The following SRGAP3 variants were observed in gnomAD, a reference collection of about 807,000 sequenced individuals.
The protein encoded by SRGAP3 is SLIT-ROBO Rho GTPase-activating protein 3.
In SRGAP3, 39 loss-of-function variants were observed where a neutral mutation model predicts 121.1. The observed-to-expected ratio is 0.32, with a 90% CI of 0.25 to 0.42. The LOEUF (loss-of-function observed/expected upper bound fraction) is 0.42, where lower values mean the gene tolerates loss of function less well. Ranked by LOEUF, SRGAP3 falls within the 10% of genes least tolerant of loss-of-function variation. The pLI is 1.00. For missense variants in SRGAP3, 1,213 were observed against 1,470.6 expected (o/e 0.82, Z 2.86); for synonymous variants, 601 against 570.0 (o/e 1.05, Z -0.77).
At chr3:9,064,361 TC>T in intron 5 of SRGAP3, 34 bp downstream of exon 5, 2 of 1,613,780 alleles carry the variant, frequency 1.2e-6, no homozygotes, top group South Asian at 2.2e-5. Flanking sequence ...TTGTGCCCTG[TC>T]CCCAATCGCT....
chr3:9,059,915 T>G (rs1357942851), intron 6 of SRGAP3: 2 of 397,962 alleles, frequency 5.0e-6, no homozygotes, highest in Admixed American at 3.6e-5. Flanking sequence ...GGTTCCCCCC[T>G]GAACCCCTCA....
chr3:9,069,228 TC>T (rs1372946988), intron 4 of SRGAP3, among the ~76,000 whole-genome samples: 1 of 152,160 alleles, frequency 6.6e-6, no homozygotes, highest in Non-Finnish European at 1.5e-5. Flanking sequence ...GACTCAGCCC[TC>T]CCACTACTTG....
Position 9,341,655 on chromosome 3 carries a change from ATTTG to A in SRGAP3, n.215-11063_215-11060del, listed in dbSNP as rs776909307. Among the ~76,000 whole-genome samples, 14 of 152,074 alleles carry A rather than the reference ATTTG, an allele frequency of 9.2e-5. No homozygotes were observed. The East Asian group carries it at 9.7e-4, about 10-fold the overall frequency. The stretch of plus-strand genomic sequence containing the variant: ...AACTACTTGGGCCACTGATTGCTAC[ATTTG>A]TTTGTTTGTTTGTTTGCGTTATAGA... On this transcript the variant is annotated intron_variant and non_coding_transcript_variant, in intron 1 of 3. Transcript: ENST00000490889.
At chr3:9,085,985 A>T (rs1378718865) in intron 3 of SRGAP3, among the ~76,000 whole-genome samples, 5 of 152,162 alleles carry the variant, frequency 3.3e-5, no homozygotes, top group Non-Finnish European at 7.4e-5. Context: ...AATTTTAAAA[A>T]AGCTCCCCAC....
Position 9,017,085 on chromosome 3 carries a change from C to T in SRGAP3, c.1679-1354G>A, listed in dbSNP as rs571588225. On this transcript the variant is annotated intron_variant, in intron 14 of 21. Transcript: ENST00000383836. Reference sequence around the variant, plus strand: ...TCCTTGATCCAGATCTTGAATCAAACATTTCTCCAGCGGGCTCTGTTTGCT... The same window carrying T: ...TCCTTGATCCAGATCTTGAATCAAATATTTCTCCAGCGGGCTCTGTTTGCT... 1.1e-4 allele frequency among the ~76,000 whole-genome samples: 17 copies of T among 152,272 alleles called. No individual in the cohort carries two copies. In the South Asian group the frequency reaches 3.3e-3, roughly 30 times the overall value.
chr3:9,326,465 T>C (rs1433424131), intron 2 of SRGAP3, among the ~76,000 whole-genome samples: 1 of 151,848 alleles, frequency 6.6e-6, no homozygotes, highest in Non-Finnish European at 1.5e-5. Flanking sequence ...CATCAATATA[T>C]TCAGTTTGGA....
At chr3:9,142,131 G>A (rs554260352) in intron 1 of SRGAP3, among the ~76,000 whole-genome samples, 24 of 152,210 alleles carry the variant, frequency 1.6e-4, no homozygotes, top group South Asian at 8.3e-4. Context: ...TTCCTCATTC[G>A]TAAACTGGGA....
chr3:9,346,098 C>T (rs1028350933), intron 1 of SRGAP3, among the ~76,000 whole-genome samples: 2 of 152,152 alleles, frequency 1.3e-5, no homozygotes, highest in African/African-American at 4.8e-5. Flanking sequence ...GTATTGAAAA[C>T]TTTGCTCTTC....
At chr3:9,276,036 C>T (rs1274223208) in intron 3 of SRGAP3, among the ~76,000 whole-genome samples, 3 of 149,770 alleles carry the variant, frequency 2.0e-5, no homozygotes, top group African/African-American at 4.9e-5. Context: ...CCTGTCTGTA[C>T]AAAAAAAAAG....
At chr3:9,222,200 C>T (rs1952836094) in intron 1 of SRGAP3, among the ~76,000 whole-genome samples, 2 of 152,212 alleles carry the variant, frequency 1.3e-5, no homozygotes, top group Non-Finnish European at 2.9e-5. Flanking sequence ...TTACCTCCAC[C>T]TGAAACACAC....
chr3:9,198,797 A>G (rs1024179406), intron 1 of SRGAP3, among the ~76,000 whole-genome samples: 3 of 152,158 alleles, frequency 2.0e-5, no homozygotes, highest in African/African-American at 7.2e-5. Context: ...TTTCTTCTAA[A>G]GGGCATTCAC....
At chr3:9,202,442 C>T (rs1436215612) in intron 1 of SRGAP3, among the ~76,000 whole-genome samples, 1 of 152,210 alleles carries the variant, frequency 6.6e-6, no homozygotes, top group Non-Finnish European at 1.5e-5. Flanking sequence ...AGCCCCAACT[C>T]CAGGGAGCTG....
chr3:8,992,604 G>C, intron 20 of SRGAP3: 1 of 492,978 alleles, frequency 2.0e-6, no homozygotes, highest in Non-Finnish European at 3.7e-6. Flanking sequence ...ACTGGACACA[G>C]GTAGGAAAAA....
chr3:9,157,840 G>A (rs1349397352), intron 1 of SRGAP3, among the ~76,000 whole-genome samples: 1 of 152,186 alleles, frequency 6.6e-6, no homozygotes, highest in African/African-American at 2.4e-5. Flanking sequence ...TACAGTCAGG[G>A]GGACAACTAA....
At chr3:9,248,040 G>C (rs1032946384) in intron 1 of SRGAP3, among the ~76,000 whole-genome samples, 1 of 152,200 alleles carries the variant, frequency 6.6e-6, no homozygotes, top group South Asian at 2.1e-4. Flanking sequence ...TTTAGGGAGC[G>C]GCTTCTGAAA....
At chr3:9,128,941 A>C (rs1949340348) in intron 1 of SRGAP3, among the ~76,000 whole-genome samples, 1 of 152,248 alleles carries the variant, frequency 6.6e-6, no homozygotes, top group African/African-American at 2.4e-5. Context: ...GCTTCTGAAT[A>C]CTGGAGATGT....
chr3:9,259,766 TA>T (rs1392274430), intron 3 of SRGAP3, among the ~76,000 whole-genome samples: 2 of 151,718 alleles, frequency 1.3e-5, no homozygotes, highest in East Asian at 3.9e-4. Flanking sequence ...ATTGAGCACT[TA>T]AAATGTGGCA....
chr3:9,299,120 T>C (rs902631931), intron 3 of SRGAP3, among the ~76,000 whole-genome samples: 3 of 149,484 alleles, frequency 2.0e-5, no homozygotes, highest in Non-Finnish European at 4.4e-5. Context: ...CACAGCACTT[T>C]GGGAGGCCGA....
intron 3 of SRGAP3, among the ~76,000 whole-genome samples, chr3:9,267,386 G>T (rs1475989877): frequency 6.6e-6 from 1 of 152,192 alleles, no homozygotes; most frequent in Non-Finnish European, 1.5e-5. Flanking sequence ...TACAAAAGTG[G>T]CTCAAGTTAA....
Sources: gnomAD v4.1 joint callset for allele counts (sites outside exome capture counted in the v4.1 genomes callset) on GRCh38, gnomAD v4.1.1 for gene constraint, MANE v1.5 for transcripts, NCBI Gene and HGNC (gene_info 2026-07-23, HGNC 2026-07-21) for gene names.